SPTLC3: variants seen among roughly 807,000 people sequenced by gnomAD.
The protein encoded by SPTLC3 is serine palmitoyltransferase long chain base subunit 3.
A neutral mutation model predicts 59.3 loss-of-function variants in SPTLC3; 36 were observed. The ratio of observed to expected loss-of-function variants is 0.61; its 90% CI spans 0.47 to 0.80. The LOEUF is 0.80. Among genes scored for constraint, SPTLC3 ranks in the 30% least tolerant of loss-of-function variants. The pLI is 0.00. For missense variants in SPTLC3, 625 were observed against 685.1 expected (o/e 0.91, Z 0.98); for synonymous variants, 257 against 240.8 (o/e 1.07, Z -0.62).
chr20:13,135,487 G>A (rs1195397201), intron 9 of SPTLC3, among the ~76,000 whole-genome samples: 1 of 152,144 alleles, frequency 6.6e-6, no homozygotes, highest in Non-Finnish European at 1.5e-5. Flanking sequence ...GATGCATCTA[G>A]TGAATATTAG....
intron 4 of SPTLC3, among the ~76,000 whole-genome samples, chr20:13,089,785 CAA>C (rs752234758): frequency 2.5e-5 from 2 of 79,314 alleles, no homozygotes; most frequent in Non-Finnish European, 5.0e-5. Context: ...GATTCTATCT[CAA>C]AAAAAAAAAA....
At chr20:13,064,001 T>C (rs1988077558) in intron 2 of SPTLC3, among the ~76,000 whole-genome samples, 1 of 151,830 alleles carries the variant, frequency 6.6e-6, no homozygotes, top group East Asian at 1.9e-4. Flanking sequence ...TATCATTAAT[T>C]AAATAGTTCT....
chr20:13,089,711 G>A (rs1473717150), intron 4 of SPTLC3, among the ~76,000 whole-genome samples: 6 of 149,898 alleles, frequency 4.0e-5, no homozygotes, highest in African/African-American at 7.4e-5. Flanking sequence ...GATTGAACCC[G>A]AGAGGCTGAG....
chr20:13,139,337 G>A (rs1250723930), intron 9 of SPTLC3, among the ~76,000 whole-genome samples: 1 of 152,166 alleles, frequency 6.6e-6, no homozygotes, highest in Non-Finnish European at 1.5e-5. Flanking sequence ...GTTAAGTTAT[G>A]TTACTTGTTG....
intron 8 of SPTLC3, among the ~76,000 whole-genome samples, chr20:13,122,576 T>C (rs536114782): frequency 2.0e-5 from 3 of 152,322 alleles, no homozygotes; most frequent in East Asian, 1.9e-4. Context: ...TGTGTAAACT[T>C]TTCTGTGATT....
At chr20:13,067,986 A>G (rs966032952) in intron 2 of SPTLC3, among the ~76,000 whole-genome samples, 1 of 152,196 alleles carries the variant, frequency 6.6e-6, no homozygotes, top group Non-Finnish European at 1.5e-5. Context: ...TCACTTTCAT[A>G]CAAGCATCAA....
intron 4 of SPTLC3, chr20:13,080,014 C>A (rs532365213): frequency 8.2e-6 from 2 of 243,278 alleles, no homozygotes; most frequent in South Asian, 4.0e-5. Context: ...GGAAAAGATT[C>A]GGCAAAGTGA....
chr20:13,144,034 C>G (rs1021827533), intron 9 of SPTLC3, among the ~76,000 whole-genome samples: 3 of 152,156 alleles, frequency 2.0e-5, no homozygotes, highest in Non-Finnish European at 2.9e-5. Context: ...GCTTCCAGGG[C>G]TCTCTAATAC....
intron 4 of SPTLC3, among the ~76,000 whole-genome samples, chr20:13,078,211 AATAAT>A (rs762422521): frequency 1.8e-5 from 1 of 55,426 alleles, no homozygotes. Flanking sequence ...TTTTATAAGT[AATAAT>A]ATAATATTAT....
At chr20:13,130,713 A>G (rs1434472934) in intron 9 of SPTLC3, among the ~76,000 whole-genome samples, 2 of 152,220 alleles carry the variant, frequency 1.3e-5, no homozygotes, top group African/African-American at 4.8e-5. Flanking sequence ...TGAGGAGTGC[A>G]GTGAGCCCAA....
rs139023710 is a variant in SPTLC3, at chr20:13,089,510, G to T, written c.608-1573G>T. Among the ~76,000 whole-genome samples, 3 of 152,252 alleles carry T rather than the reference G, an allele frequency of 2.0e-5. No homozygotes were observed. In the East Asian group the frequency reaches 5.8e-4, roughly 29 times the overall value. ...TCACTATAAAAAAATATCGGGCCAG[G>T]TGCAGTGGCTCACGCCTGTAATCCC... On this transcript the variant is annotated intron_variant, in intron 4 of 11. Coordinates refer to ENST00000399002, the MANE Select transcript of SPTLC3 (RefSeq NM_018327.4).
chr20:13,052,181 C>A (rs536260495), intron 2 of SPTLC3, among the ~76,000 whole-genome samples: 3 of 152,136 alleles, frequency 2.0e-5, no homozygotes, highest in African/African-American at 7.2e-5. Context: ...CGGGGCTCAT[C>A]TCACTGGGAC....
intron 4 of SPTLC3, among the ~76,000 whole-genome samples, chr20:13,077,775 C>G (rs1006439689): frequency 6.6e-6 from 1 of 151,324 alleles, no homozygotes; most frequent in African/African-American, 2.4e-5. Context: ...TTGAGCCAAG[C>G]TATCTGTACT....
chr20:13,067,133 T>C lies in SPTLC3; in HGVS notation c.304-5123T>C, dbSNP rs1483169384. On this transcript the variant is annotated intron_variant, in intron 2 of 11. Coordinates refer to ENST00000399002, the MANE Select transcript of SPTLC3 (RefSeq NM_018327.4). ...CATGTTCACCTATCTTGAGTGACTG[T>C]AGAAGTGGAACAGGATGAGTTTTCC... Among the ~76,000 whole-genome samples the C allele has an allele frequency of 1.6e-5, 2 of 121,662 alleles. 1 individual carries two copies. The highest frequency in any genetic ancestry group is 6.3e-5 in the African/African-American group (2 of 31,616). 79.8% of individuals were successfully genotyped at this position (121,662 alleles called of 152,430 possible). A position where few individuals can be genotyped will look rare whatever the true frequency, so the allele number is the denominator to read the frequency against.
intron 2 of SPTLC3, among the ~76,000 whole-genome samples, chr20:13,059,145 A>AT (rs1381243907): frequency 6.6e-6 from 1 of 152,200 alleles, no homozygotes; most frequent in African/African-American, 2.4e-5. Flanking sequence ...AGTTGTTTAC[A>AT]TATCTCCCCT....
chr20:13,121,024 G>A (rs2037853707), intron 8 of SPTLC3, among the ~76,000 whole-genome samples: 1 of 152,210 alleles, frequency 6.6e-6, no homozygotes, highest in Non-Finnish European at 1.5e-5. Flanking sequence ...CTTCTTTGAA[G>A]GAAAGCCTAA....
chr20:13,043,777 T>A (rs902261000), intron 1 of SPTLC3, among the ~76,000 whole-genome samples: 4 of 152,250 alleles, frequency 2.6e-5, no homozygotes, highest in African/African-American at 4.8e-5. Context: ...CCACCTTCTC[T>A]CTGTCCTCTT....
rs1360048673 is a variant in SPTLC3 at position 13,167,347 on chromosome 20, TTA to T, written c.*2481_*2482del. ...TACCCTCTACATCACCGCCCCGACC[TTA>T]GCTCTAATTATATCAGAGCCAAAAA... On this transcript the variant is annotated 3_prime_UTR_variant, in exon 12 of 12. Coordinates refer to ENST00000399002, the MANE Select transcript of SPTLC3 (RefSeq NM_018327.4). The T allele has an allele frequency of 1.4e-5, 2 of 145,772 alleles. No homozygotes were observed. Among genetic ancestry groups the T allele is most frequent in the Admixed American group, 1.3e-4 (2 of 15,004 alleles). The allele number at this position is 145,772 out of a possible 1,614,324, so 9.0% of individuals were successfully genotyped here.
intron 4 of SPTLC3, 97 bp from the exon 5 acceptor site, chr20:13,090,986 T>C: frequency 6.6e-7 from 1 of 1,507,546 alleles, no homozygotes; most frequent in Non-Finnish European, 9.0e-7. Context: ...CACTCTTGTA[T>C]AGGTCTTTTG....
Sources: allele counts gnomAD v4.1 joint callset (sites outside exome capture counted in the v4.1 genomes callset), GRCh38; gene constraint gnomAD v4.1.1; transcripts MANE v1.5; gene names NCBI Gene and HGNC (gene_info 2026-07-23, HGNC 2026-07-21).